Variants in TAPT1 observed in about 807,000 individuals in gnomAD.
TAPT1 encodes transmembrane anterior posterior transformation 1, also known as transmembrane anterior posterior transformation protein 1 homolog.
Under a neutral mutation model 65.6 loss-of-function variants are expected in TAPT1, and 28 were observed. The ratio of observed to expected loss-of-function variants is 0.43; its 90% CI spans 0.32 to 0.59. The LOEUF is 0.59. Ranked by LOEUF, TAPT1 falls within the 20% of genes least tolerant of loss-of-function variation. The pLI is 0.09. For missense variants in TAPT1, 563 were observed against 679.9 expected (o/e 0.83, Z 1.91); for synonymous variants, 278 against 245.2 (o/e 1.13, Z -1.25).
chr4:16,164,197 T>C (rs770712621), intron 13 of TAPT1, among the ~76,000 whole-genome samples: 4 of 152,156 alleles, frequency 2.6e-5, no homozygotes, highest in Non-Finnish European at 5.9e-5. Flanking sequence ...TTAAAATGTA[T>C]AATCTGATGA....
upstream of TAPT1, chr4:16,226,544 C>G (rs1416325592): frequency 1.1e-6 from 1 of 898,254 alleles, no homozygotes; most frequent in African/African-American, 1.8e-5. Context: ...CGCCCCTCGC[C>G]GGAGCCCGAG....
chr4:16,167,410 G>C (rs1747714001), intron 12 of TAPT1, among the ~76,000 whole-genome samples: 2 of 152,170 alleles, frequency 1.3e-5, no homozygotes, highest in African/African-American at 4.8e-5. Flanking sequence ...GAACAAAAAA[G>C]AACATAATAA....
intron 1 of TAPT1, among the ~76,000 whole-genome samples, chr4:16,220,721 C>T (rs1457593984): frequency 1.3e-5 from 2 of 151,218 alleles, no homozygotes; most frequent in African/African-American, 4.9e-5. Context: ...TGTACTCCAG[C>T]CTGGTGACAG....
intron 3 of TAPT1, among the ~76,000 whole-genome samples, chr4:16,201,271 A>G (rs1750012641): frequency 6.6e-6 from 1 of 152,176 alleles, no homozygotes; most frequent in African/African-American, 2.4e-5. Context: ...TTAAAAAAGA[A>G]CCTTTCATGG....
intron 8 of TAPT1, among the ~76,000 whole-genome samples, chr4:16,177,506 GCATCA>G (rs947690793): frequency 2.6e-5 from 4 of 152,178 alleles, no homozygotes; most frequent in Non-Finnish European, 5.9e-5. Context: ...TGTGAGTCTG[GCATCA>G]CATCAGGTTT....
intron 4 of TAPT1, among the ~76,000 whole-genome samples, chr4:16,188,925 A>T (rs2149689944): frequency 6.7e-6 from 1 of 149,900 alleles, no homozygotes; most frequent in African/African-American, 2.5e-5. Context: ...CTCAACCAAA[A>T]AAAGAAAAAA....
chr4:16,224,578 A>C (rs1751440061), intron 1 of TAPT1, among the ~76,000 whole-genome samples: 1 of 152,184 alleles, frequency 6.6e-6, no homozygotes, highest in Non-Finnish European at 1.5e-5. Flanking sequence ...GGCCACTGAC[A>C]TCTCCTCACA....
chr4:16,214,453 C>T (rs891715084), intron 1 of TAPT1: 5 of 152,184 alleles, frequency 3.3e-5, no homozygotes, highest in South Asian at 2.1e-4. Context: ...AGTTATTACG[C>T]GAAGTGCAAC....
intron 12 of TAPT1, among the ~76,000 whole-genome samples, chr4:16,167,638 G>A (rs1747728592): frequency 6.6e-6 from 1 of 152,180 alleles, no homozygotes; most frequent in Admixed American, 6.5e-5. Flanking sequence ...GAACCTGTGT[G>A]CACCTGGGCA....
intron 1 of TAPT1, among the ~76,000 whole-genome samples, chr4:16,223,508 C>A (rs1296193869): frequency 6.6e-6 from 1 of 152,076 alleles, no homozygotes; most frequent in African/African-American, 2.4e-5. Context: ...TCTGAGAGAG[C>A]AAATAAAAAC....
At chr4:16,191,979 T>C (rs73234648) in intron 3 of TAPT1, among the ~76,000 whole-genome samples, 10,784 of 152,352 alleles carry the variant, frequency 0.071, 551 homozygotes, top group Middle Eastern at 0.14. Context: ...CAGGAGTTCA[T>C]ACTTTTTTGG....
At chr4:16,204,027 C>T (rs1750194010) in intron 2 of TAPT1, among the ~76,000 whole-genome samples, 1 of 152,166 alleles carries the variant, frequency 6.6e-6, no homozygotes, top group East Asian at 1.9e-4. Context: ...TGCATGTTTT[C>T]TTGTCTTACA....
At chr4:16,171,262 A>G (rs1416433053) in intron 11 of TAPT1, among the ~76,000 whole-genome samples, 2 of 152,204 alleles carry the variant, frequency 1.3e-5, no homozygotes, top group Non-Finnish European at 2.9e-5. Flanking sequence ...AAAGTTTTGT[A>G]TTTAGAAAAA....
intron 1 of TAPT1, 148 bp downstream of exon 1, chr4:16,226,111 G>A: frequency 3.9e-6 from 4 of 1,029,192 alleles, no homozygotes; most frequent in South Asian, 9.3e-5. Flanking sequence ...CGGCAGCCTC[G>A]GCGGCTCCGC....
intron 2 of TAPT1, among the ~76,000 whole-genome samples, chr4:16,206,154 GA>G (rs1289699188): frequency 1.3e-5 from 2 of 152,178 alleles, no homozygotes; most frequent in African/African-American, 4.8e-5. Context: ...TCATGCCCCA[GA>G]AAGTCTATAC....
chr4:16,174,382 C>A, intron 10 of TAPT1, 110 bp from the exon 11 acceptor site: 1 of 941,640 alleles, frequency 1.1e-6, no homozygotes. Context: ...GGCTATGGAG[C>A]AAGAACAGAA....
intron 3 of TAPT1, among the ~76,000 whole-genome samples, chr4:16,194,373 T>C (rs1749562179): frequency 6.6e-6 from 1 of 152,202 alleles, no homozygotes; most frequent in Non-Finnish European, 1.5e-5. Context: ...GTCAGGAACA[T>C]GCCTGTGGTT....
intron 8 of TAPT1, among the ~76,000 whole-genome samples, chr4:16,177,911 G>A (rs143109484): frequency 2.0e-5 from 3 of 152,070 alleles, no homozygotes; most frequent in African/African-American, 7.2e-5. Flanking sequence ...AAAAGCAAGT[G>A]CTCCATTTAT....
intron 1 of TAPT1, chr4:16,214,715 C>A (rs1750835724): frequency 6.6e-6 from 1 of 152,246 alleles, no homozygotes; most frequent in Non-Finnish European, 1.5e-5. Flanking sequence ...CCCTCAATGA[C>A]CCTCAGCACC....
Sources: allele counts gnomAD v4.1 joint callset (sites outside exome capture counted in the v4.1 genomes callset), GRCh38; gene constraint gnomAD v4.1.1; transcripts MANE v1.5; gene names NCBI Gene and HGNC (gene_info 2026-07-23, HGNC 2026-07-21).